The following ZBTB20 variants were observed in gnomAD, a reference collection of about 807,000 sequenced individuals.
ZBTB20 encodes zinc finger and BTB domain-containing protein 20.
In ZBTB20, 9 loss-of-function variants were observed where a neutral mutation model predicts 56.9. That is an observed-to-expected ratio of 0.16 (90% confidence interval 0.10 to 0.28). ZBTB20 has a LOEUF of 0.28. Among genes scored for constraint, ZBTB20 ranks in the 10% least tolerant of loss-of-function variants. The pLI, the probability that ZBTB20 is intolerant of heterozygous loss-of-function variation, is 1.00. For missense variants in ZBTB20, 655 were observed against 1,003.0 expected, an observed-to-expected ratio of 0.65 and a Z score of 4.69; for synonymous variants, 417 against 420.7, an observed-to-expected ratio of 0.99 and a Z score of 0.11.
intron 3 of ZBTB20, among the ~76,000 whole-genome samples, chr3:114,914,824 T>C (rs994765789): frequency 6.6e-6 from 1 of 151,820 alleles, no homozygotes; most frequent in Non-Finnish European, 1.5e-5. Context: ...TCAACTGAAA[T>C]AATCATATGG....
intron 7 of ZBTB20, among the ~76,000 whole-genome samples, chr3:114,494,966 A>G (rs192113888): frequency 1.9e-4 from 29 of 152,262 alleles, no homozygotes; most frequent in Non-Finnish European, 3.2e-4. Context: ...GTTTCTCTTC[A>G]TCTTTTTTAC....
intron 5 of ZBTB20, among the ~76,000 whole-genome samples, chr3:114,728,665 A>G (rs2065489017): frequency 6.6e-6 from 1 of 152,210 alleles, no homozygotes; most frequent in African/African-American, 2.4e-5. Flanking sequence ...AACCGTGAAT[A>G]GTGGTCAGGT....
chr3:114,818,360 T>C (rs1274951318), intron 4 of ZBTB20, among the ~76,000 whole-genome samples: 2 of 152,136 alleles, frequency 1.3e-5, no homozygotes, highest in Non-Finnish European at 2.9e-5. Context: ...TTTCTAGTTA[T>C]GCAAGAGCAA....
intron 6 of ZBTB20, among the ~76,000 whole-genome samples, chr3:114,607,302 CA>C (rs1439666598): frequency 2.6e-5 from 2 of 76,658 alleles, no homozygotes; most frequent in African/African-American, 5.4e-5. Flanking sequence ...ACTGTTCATT[CA>C]TTTTTTTTTT....
At chr3:114,412,095 T>C (rs1476695250) in intron 7 of ZBTB20, among the ~76,000 whole-genome samples, 1 of 152,064 alleles carries the variant, frequency 6.6e-6, no homozygotes, top group Non-Finnish European at 1.5e-5. Flanking sequence ...ACAAGGTATA[T>C]TTTCAGGAAG....
At chr3:114,428,463 G>C (rs2089875245) in intron 7 of ZBTB20, among the ~76,000 whole-genome samples, 1 of 152,198 alleles carries the variant, frequency 6.6e-6, no homozygotes, top group Admixed American at 6.5e-5. Context: ...CCCTGAAGGG[G>C]CCCAGAAGTG....
chr3:115,036,182 T>C (rs1220841691), intron 2 of ZBTB20, among the ~76,000 whole-genome samples: 3 of 152,176 alleles, frequency 2.0e-5, no homozygotes, highest in African/African-American at 7.2e-5. Flanking sequence ...ATGAATGTAC[T>C]TAATGCCACC....
In ZBTB20 at chr3:114,919,609, G is replaced by T. The variant is rs143299605; in HGVS notation, c.-455-19267C>A. 2.9e-3 allele frequency among the ~76,000 whole-genome samples: 444 copies of T among 152,026 alleles called. 2 individuals are homozygous for T. Among genetic ancestry groups the T allele is most frequent in the African/African-American group, 0.01 (426 of 41,466 alleles). Reference sequence around the variant, plus strand: ...AATCCCAGCTACTCGGGAGGCTGAGGCAGGAGAATCACTTGAACCCGGGAG... The same window carrying T: ...AATCCCAGCTACTCGGGAGGCTGAGTCAGGAGAATCACTTGAACCCGGGAG... On this transcript the variant is annotated intron_variant, in intron 3 of 11. Transcript: ENST00000675478.
Position 114,334,124 on chromosome 3 carries a change from G to C in ZBTB20, c.*4881C>G, listed in dbSNP as rs1398349065. On this transcript the variant is annotated 3_prime_UTR_variant, in exon 12 of 12. Transcript: ENST00000675478. ...CACTGGCTATAGCAGAGGCAGACCT[G>C]ATTTGATTATCTGATACCTTTTCCA... 6.6e-6 allele frequency: 1 copy of C among 152,180 alleles called. No individual in the cohort carries two copies. The highest frequency in any genetic ancestry group is 2.4e-5 in the African/African-American group (1 of 41,426). The allele number at this position is 152,180 out of a possible 1,614,324, so 9.4% of individuals were successfully genotyped here. A position where few individuals can be genotyped will look rare whatever the true frequency, so the allele number is the denominator to read the frequency against.
chr3:114,957,983 T>C (rs1175552900), intron 3 of ZBTB20, among the ~76,000 whole-genome samples: 1 of 152,178 alleles, frequency 6.6e-6, no homozygotes, highest in African/African-American at 2.4e-5. Flanking sequence ...GAACACAACA[T>C]ACATTGCTAT....
intron 7 of ZBTB20, among the ~76,000 whole-genome samples, chr3:114,443,163 C>A (rs1287883188): frequency 6.6e-6 from 1 of 152,100 alleles, no homozygotes; most frequent in African/African-American, 2.4e-5. Context: ...TTCAGGTGCT[C>A]TCAACAGCCA....
intron 7 of ZBTB20, among the ~76,000 whole-genome samples, chr3:114,494,603 T>G (rs1046863631): frequency 2.0e-5 from 3 of 152,230 alleles, no homozygotes; most frequent in Non-Finnish European, 4.4e-5. Flanking sequence ...GTAGAACTGA[T>G]CTATCCAAAT....
chr3:114,853,851 T>C (rs1485891171), intron 4 of ZBTB20, among the ~76,000 whole-genome samples: 1 of 152,214 alleles, frequency 6.6e-6, no homozygotes, highest in Non-Finnish European at 1.5e-5. Context: ...TATGTGTGAG[T>C]TGCTTTAATC....
intron 5 of ZBTB20, among the ~76,000 whole-genome samples, chr3:114,764,669 A>C (rs2068662241): frequency 6.6e-6 from 1 of 152,220 alleles, no homozygotes; most frequent in African/African-American, 2.4e-5. Flanking sequence ...TCAGTGAGCA[A>C]AATCTTGAGC....
At chr3:114,496,056 T>TC (rs1477865811) in intron 7 of ZBTB20, among the ~76,000 whole-genome samples, 9 of 152,126 alleles carry the variant, frequency 5.9e-5, no homozygotes, top group African/African-American at 2.2e-4. Flanking sequence ...TTTACAAGGA[T>TC]CTTATAACCA....
chr3:114,509,037 C>G (rs1007430360), intron 6 of ZBTB20, among the ~76,000 whole-genome samples: 3 of 152,132 alleles, frequency 2.0e-5, no homozygotes, highest in African/African-American at 7.2e-5. Context: ...ATGAATGGAA[C>G]AGTAAAGGTG....
intron 3 of ZBTB20, among the ~76,000 whole-genome samples, chr3:114,918,898 G>A (rs879517589): frequency 6.6e-6 from 1 of 152,200 alleles, no homozygotes; most frequent in Non-Finnish European, 1.5e-5. Context: ...TATGACCCCT[G>A]CATCCACTGG....
chr3:114,817,188 CTT>C (rs1317295027), intron 4 of ZBTB20, among the ~76,000 whole-genome samples: 1,181 of 95,316 alleles, frequency 0.012, 6 homozygotes, highest in South Asian at 0.054. Context: ...ATTTATACAA[CTT>C]ATACACACAC....
At chr3:114,989,007 TG>T (rs550812519) in intron 2 of ZBTB20, among the ~76,000 whole-genome samples, 1 of 152,344 alleles carries the variant, frequency 6.6e-6, no homozygotes, top group African/African-American at 2.4e-5. Flanking sequence ...ATTAGCCCTT[TG>T]TCAGAAGAGT....
Sources: allele counts gnomAD v4.1 joint callset (sites outside exome capture counted in the v4.1 genomes callset), GRCh38; gene constraint gnomAD v4.1.1; transcripts MANE v1.5; gene names NCBI Gene and HGNC (gene_info 2026-07-23, HGNC 2026-07-21).